The following SLC1A1 variants were observed in gnomAD, a reference collection of about 807,000 sequenced individuals.
SLC1A1 encodes the protein solute carrier family 1 member 1, also known as excitatory amino acid transporter 3.
In SLC1A1, 43 loss-of-function variants were observed where a neutral mutation model predicts 53.3. The observed-to-expected ratio is 0.81, with a 90% CI of 0.63 to 1.04. The LOEUF (loss-of-function observed/expected upper bound fraction) is 1.04. Ranked by LOEUF, SLC1A1 falls within the 50% of genes least tolerant of loss-of-function variation. The pLI is 0.00. For synonymous variants in SLC1A1, 307 were observed against 243.2 expected, an observed-to-expected ratio of 1.26 and a Z score of -2.44; for missense variants, 748 against 664.9, an observed-to-expected ratio of 1.12 and a Z score of -1.37.
chr9:4,529,914 AC>A (rs1156956482), intron 1 of SLC1A1, among the ~76,000 whole-genome samples: 1 of 152,160 alleles, frequency 6.6e-6, no homozygotes, highest in Admixed American at 6.5e-5. Flanking sequence ...GTTCTCAGTC[AC>A]CTGTAAGATA....
At chr9:4,515,142 T>C (rs1821122316) in intron 1 of SLC1A1, among the ~76,000 whole-genome samples, 1 of 151,922 alleles carries the variant, frequency 6.6e-6, no homozygotes, top group East Asian at 1.9e-4. Flanking sequence ...ACTTCTTACA[T>C]GATGCTTCAG....
chr9:4,507,169 C>A (rs1406187098), intron 1 of SLC1A1, among the ~76,000 whole-genome samples: 2 of 151,982 alleles, frequency 1.3e-5, no homozygotes, highest in African/African-American at 4.8e-5. Context: ...GGGAGGTGGA[C>A]CTTGCAAGTG....
chr9:4,492,750 C>T (rs1211145282), intron 1 of SLC1A1, among the ~76,000 whole-genome samples: 1 of 151,462 alleles, frequency 6.6e-6, no homozygotes, highest in Non-Finnish European at 1.5e-5. Context: ...GAGCCGTGAT[C>T]GTGACTCTGC....
At chr9:4,567,296 TATTA>T (rs966362870) in intron 5 of SLC1A1, among the ~76,000 whole-genome samples, 45 of 152,352 alleles carry the variant, frequency 3.0e-4, no homozygotes, top group African/African-American at 6.0e-4. Flanking sequence ...AAAAATCATT[TATTA>T]ATTAATAAAA....
chr9:4,524,875 G>C (rs561436968), intron 1 of SLC1A1, among the ~76,000 whole-genome samples: 1 of 152,214 alleles, frequency 6.6e-6, no homozygotes, highest in Admixed American at 6.5e-5. Flanking sequence ...TCCTGCCAGA[G>C]TGAGAACTCG....
At chr9:4,530,729 T>G (rs1816437303) in intron 1 of SLC1A1, among the ~76,000 whole-genome samples, 1 of 152,214 alleles carries the variant, frequency 6.6e-6, no homozygotes, top group Non-Finnish European at 1.5e-5. Flanking sequence ...TTATATTATT[T>G]TTTAACTCTT....
At chr9:4,510,203 T>A (rs988826426) in intron 1 of SLC1A1, among the ~76,000 whole-genome samples, 1 of 152,212 alleles carries the variant, frequency 6.6e-6, no homozygotes, top group Non-Finnish European at 1.5e-5. Flanking sequence ...GAGGTAAGAA[T>A]GGCTTCCACA....
intron 1 of SLC1A1, among the ~76,000 whole-genome samples, chr9:4,527,610 G>T (rs1385706099): frequency 6.6e-6 from 1 of 152,052 alleles, no homozygotes; most frequent in African/African-American, 2.4e-5. Context: ...ATCAAACCAG[G>T]TTCTCATTTT....
chr9:4,585,667 T>A lies in SLC1A1; in HGVS notation c.*109T>A. On this transcript the variant is annotated 3_prime_UTR_variant, in exon 12 of 12. Coordinates refer to ENST00000262352, the MANE Select transcript of SLC1A1 (RefSeq NM_004170.6). ...ACTAATGGCCAAGTGTACATTTGAT[T>A]TGATATACAGACCTCCAGATTATTT... The A allele has an allele frequency of 3.7e-6, 5 of 1,342,928 alleles. No homozygotes were observed. The highest frequency in any genetic ancestry group is 5.3e-6 in the Non-Finnish European group (5 of 942,544). The allele number at this position is 1,342,928 out of a possible 1,614,324, so 83.2% of individuals were successfully genotyped here. A position where few individuals can be genotyped will look rare whatever the true frequency, so the allele number is the denominator to read the frequency against.
chr9:4,490,724 G>A lies in SLC1A1; in HGVS notation c.45G>A (p.Leu15=), dbSNP rs369548800. 33 of 1,612,840 alleles carry A rather than the reference G, an allele frequency of 2.0e-5. No homozygotes were observed. Among genetic ancestry groups the A allele is most frequent in the Non-Finnish European group, 2.5e-5 (29 of 1,179,178 alleles). Residue 15 remains leucine (L), a synonymous_variant, in exon 1 of 12, where the codon CTG becomes CTA. Coordinates refer to ENST00000262352, the MANE Select transcript of SLC1A1 (RefSeq NM_004170.6). ...ARKGCEWKRF[L]KNNWVLLSTV... is the part of the protein sequence containing the mutation. ...AAGGATGCGAGTGGAAGCGCTTCCT[G>A]AAGAATAACTGGGTGTTGCTGTCCA...
chr9:4,559,880 C>A (rs901690026), intron 2 of SLC1A1: 1 of 152,160 alleles, frequency 6.6e-6, no homozygotes, highest in Non-Finnish European at 1.5e-5. Flanking sequence ...ACGTCCAAGT[C>A]CAATTGGAGA....
intron 1 of SLC1A1, among the ~76,000 whole-genome samples, chr9:4,534,357 A>G (rs549366729): frequency 1.3e-5 from 2 of 152,306 alleles, no homozygotes; most frequent in African/African-American, 4.8e-5. Context: ...AAACAGATGC[A>G]ATTAAAAAAT....
chr9:4,517,112 TAA>T (rs1429780340), intron 1 of SLC1A1, among the ~76,000 whole-genome samples: 4 of 152,198 alleles, frequency 2.6e-5, no homozygotes, highest in South Asian at 4.1e-4. Context: ...TAACGTATTA[TAA>T]AAGTGTTTGG....
chr9:4,542,403 G>C (rs887206715), intron 1 of SLC1A1, among the ~76,000 whole-genome samples: 11 of 152,112 alleles, frequency 7.2e-5, no homozygotes, highest in Non-Finnish European at 1.3e-4. Context: ...AAAATAGCAA[G>C]TACATATCTT....
intron 11 of SLC1A1, among the ~76,000 whole-genome samples, chr9:4,584,596 C>T (rs1821415757): frequency 6.6e-6 from 1 of 152,084 alleles, no homozygotes. Flanking sequence ...CACAAGATTC[C>T]CCCTGCATGC....
Position 4,549,260 on chromosome 9 carries a change from C to G in SLC1A1, c.232+4553C>G, listed in dbSNP as rs1817732289. The stretch of plus-strand genomic sequence containing the variant: ...CTGCCACCCCCGCCTGGGCCAGAAG[C>G]ACTCCAGTGGGCACAGCTGCGCCTC... On this transcript the variant is annotated intron_variant, in intron 2 of 11. Transcript: ENST00000262352. This position sits in a 1 kb window ranked among gnomAD's most constrained non-coding sequence, Gnocchi z 4.1. Among the ~76,000 whole-genome samples, 1 of 152,182 alleles carries G rather than the reference C, an allele frequency of 6.6e-6. No individual in the cohort carries two copies. The highest frequency in any genetic ancestry group is 2.4e-5 in the African/African-American group (1 of 41,444).
chr9:4,569,929 G>A lies in SLC1A1; in HGVS notation c.582+2162G>A, dbSNP rs375450598. ...CCTCTGTCCTCACACAAAGAATGAT[G>A]AGTATTATAATCAGGAAGAATGGGA... On this transcript the variant is annotated intron_variant, in intron 6 of 11. Transcript: ENST00000262352. Among the ~76,000 whole-genome samples the A allele has an allele frequency of 4.6e-5, 7 of 152,322 alleles. No individual in the cohort carries two copies. In the East Asian group the frequency reaches 7.7e-4, roughly 17 times the overall value.
intron 7 of SLC1A1, 50 bp from the exon 8 acceptor site, chr9:4,573,857 G>A: frequency 1.5e-6 from 2 of 1,299,750 alleles, no homozygotes; most frequent in East Asian, 2.3e-5. Flanking sequence ...AACCTAGCAT[G>A]AGAAAGCACT....
At chr9:4,568,130 TG>T (rs1466127761) in intron 6 of SLC1A1, among the ~76,000 whole-genome samples, 1 of 152,102 alleles carries the variant, frequency 6.6e-6, no homozygotes. Context: ...CTGTTTGAAA[TG>T]GACCAAGGTG....
Sources: gnomAD v4.1 joint callset for allele counts (sites outside exome capture counted in the v4.1 genomes callset) on GRCh38, gnomAD v4.1.1 for gene constraint, Gnocchi (gnomAD v3.1) non-coding constraint, MANE v1.5 for transcripts, NCBI Gene and HGNC (gene_info 2026-07-23, HGNC 2026-07-21) for gene names.